Variants in PPFIA2 observed in about 807,000 individuals in gnomAD.
PPFIA2 encodes PPFI scaffold protein A2, also known as liprin-alpha-2.
PPFIA2 carries 46 observed loss-of-function variants against 175.5 expected under a neutral mutation model. The ratio of observed to expected loss-of-function variants is 0.26; its 90% confidence interval spans 0.21 to 0.34. The LOEUF (loss-of-function observed/expected upper bound fraction) is 0.34. Among genes scored for constraint, PPFIA2 ranks in the 10% least tolerant of loss-of-function variants. The probability of loss-of-function intolerance (pLI) is 1.00; values close to 1 mark genes in which losing one functional copy is unlikely to be tolerated. For synonymous variants in PPFIA2, 568 were observed against 511.4 expected, an observed-to-expected ratio of 1.11 and a Z score of -1.49; for missense variants, 1,179 against 1,506.1, an observed-to-expected ratio of 0.78 and a Z score of 3.60.
intron 4 of PPFIA2, among the ~76,000 whole-genome samples, chr12:81,561,606 C>G (rs2070100532): frequency 6.6e-6 from 1 of 152,144 alleles, no homozygotes; most frequent in African/African-American, 2.4e-5. Flanking sequence ...CTTCCCCTCT[C>G]TCTGATAAAT....
intron 4 of PPFIA2, among the ~76,000 whole-genome samples, chr12:81,565,344 C>T (rs562137660): frequency 1.3e-5 from 2 of 152,274 alleles, no homozygotes; most frequent in African/African-American, 2.4e-5. Flanking sequence ...ATCTTTCTCC[C>T]GTGCTGGATG....
chr12:81,561,848 G>A (rs1472026438), intron 4 of PPFIA2, among the ~76,000 whole-genome samples: 1 of 152,130 alleles, frequency 6.6e-6, no homozygotes. Context: ...AACTGCTTAA[G>A]AGTTGATTTA....
intron 4 of PPFIA2, among the ~76,000 whole-genome samples, chr12:81,627,177 C>A (rs1243021287): frequency 6.6e-6 from 1 of 151,900 alleles, no homozygotes; most frequent in Non-Finnish European, 1.5e-5. Context: ...TTAAAATGAG[C>A]ATCTATTTAT....
intron 4 of PPFIA2, among the ~76,000 whole-genome samples, chr12:81,638,748 C>T (rs1162660276): frequency 8.5e-6 from 1 of 117,418 alleles, no homozygotes; most frequent in Admixed American, 1.2e-4. Flanking sequence ...AGTGCAGTGG[C>T]GGGATCTCGG....
intron 10 of PPFIA2, among the ~76,000 whole-genome samples, chr12:81,375,522 G>A (rs2036160208): frequency 6.6e-6 from 1 of 152,026 alleles, no homozygotes; most frequent in African/African-American, 2.4e-5. Flanking sequence ...ATTAAGTGAG[G>A]TAATACATGA....
intron 23 of PPFIA2, among the ~76,000 whole-genome samples, chr12:81,298,590 T>C (rs757664000): frequency 6.6e-6 from 1 of 152,116 alleles, no homozygotes; most frequent in Non-Finnish European, 1.5e-5. Context: ...GAGAACTGAA[T>C]AGAAGGGGCA....
chr12:81,592,467 T>C (rs1595386277), intron 4 of PPFIA2, among the ~76,000 whole-genome samples: 1 of 152,172 alleles, frequency 6.6e-6, no homozygotes, highest in African/African-American at 2.4e-5. Context: ...TCATCTTTAA[T>C]TGTAACTCCC....
At chr12:81,501,922 T>C (rs1052020845) in intron 4 of PPFIA2, among the ~76,000 whole-genome samples, 3 of 152,128 alleles carry the variant, frequency 2.0e-5, no homozygotes, top group African/African-American at 7.2e-5. Flanking sequence ...GATATTAATG[T>C]GGCTTTGAAG....
At chr12:81,674,242 T>C (rs547509446) in intron 4 of PPFIA2, among the ~76,000 whole-genome samples, 1 of 152,180 alleles carries the variant, frequency 6.6e-6, no homozygotes, top group African/African-American at 2.4e-5. Flanking sequence ...TTATGAGAGA[T>C]CATTCACTCA....
At chr12:81,389,967 C>A (rs1049358169) in intron 8 of PPFIA2, among the ~76,000 whole-genome samples, 5 of 152,068 alleles carry the variant, frequency 3.3e-5, no homozygotes, top group African/African-American at 1.2e-4. Flanking sequence ...CAGCCCCAGA[C>A]AACCACTAAC....
chr12:81,531,079 A>G (rs962296366), intron 4 of PPFIA2, among the ~76,000 whole-genome samples: 3 of 151,932 alleles, frequency 2.0e-5, no homozygotes, highest in African/African-American at 7.2e-5. Flanking sequence ...AAGATGCAGG[A>G]AGTTTCAATT....
At chr12:81,265,129 C>G (rs548531263) in intron 30 of PPFIA2, among the ~76,000 whole-genome samples, 3 of 151,588 alleles carry the variant, frequency 2.0e-5, no homozygotes, top group Admixed American at 6.6e-5. Context: ...CCTGTCTCTA[C>G]TAAAAAATAC....
At chr12:81,653,686 C>T (rs962372004) in intron 4 of PPFIA2, among the ~76,000 whole-genome samples, 35 of 152,048 alleles carry the variant, frequency 2.3e-4, no homozygotes, top group African/African-American at 8.4e-4. Flanking sequence ...AGGTCACATT[C>T]TGAGGTTCTA....
chr12:81,295,409 G>A (rs1249280204), intron 23 of PPFIA2, among the ~76,000 whole-genome samples: 4 of 152,132 alleles, frequency 2.6e-5, no homozygotes, highest in Non-Finnish European at 5.9e-5. Flanking sequence ...TGCTTAATGA[G>A]TGGCTTCAAT....
At chr12:81,467,695 C>T (rs1266056095) in intron 4 of PPFIA2, among the ~76,000 whole-genome samples, 1 of 152,166 alleles carries the variant, frequency 6.6e-6, no homozygotes, top group Non-Finnish European at 1.5e-5. Context: ...GCTCACACAC[C>T]TCTCAAGATG....
Position 81,335,744 on chromosome 12 carries a change from AAACAACAACAACAAC to A in PPFIA2, c.2548+3421_2548+3435del, listed in dbSNP as rs142716386. ...GGTGACAGAGTGAAATTCTGTCTAA[AAACAACAACAACAAC>A]AACAACAACAACAACAACAAAAAGA... On this transcript the variant is annotated intron_variant, in intron 21 of 32. Transcript: ENST00000549396. 3.0e-3 allele frequency among the ~76,000 whole-genome samples: 454 copies of A among 149,504 alleles called. 3 individuals are homozygous for A. Among genetic ancestry groups the A allele is most frequent in the African/African-American group, 0.011 (439 of 40,824 alleles).
chr12:81,416,113 G>T (rs543800253), intron 7 of PPFIA2, among the ~76,000 whole-genome samples: 9 of 151,694 alleles, frequency 5.9e-5, no homozygotes, highest in Non-Finnish European at 1.2e-4. Context: ...ATTTTACTAG[G>T]TTAGCAACTA....
chr12:81,259,396 A>C lies in PPFIA2; in HGVS notation c.*298T>G. ...ATATTACAATAAAACATGAAAAACAACTGGCTTCATTTCATAAAAGCATCT... is the reference window on the plus strand; with the variant it reads ...ATATTACAATAAAACATGAAAAACACCTGGCTTCATTTCATAAAAGCATCT... On this transcript the variant is annotated 3_prime_UTR_variant, in exon 33 of 33. Coordinates refer to ENST00000549396, the MANE Select transcript of PPFIA2 (RefSeq NM_003625.5). 1.6e-6 allele frequency: 1 copy of C among 641,552 alleles called. No individual in the cohort carries two copies. The highest frequency in any genetic ancestry group is 2.8e-6 in the Non-Finnish European group (1 of 352,758). The allele number at this position is 641,552 out of a possible 1,614,324, so 39.7% of individuals were successfully genotyped here.
At chr12:81,660,648 C>T (rs1216702733) in intron 4 of PPFIA2, among the ~76,000 whole-genome samples, 3 of 152,094 alleles carry the variant, frequency 2.0e-5, no homozygotes, top group African/African-American at 7.2e-5. Context: ...GGAGAACTTC[C>T]CCAATCTAGC....
Sources: allele counts gnomAD v4.1 joint callset (sites outside exome capture counted in the v4.1 genomes callset), GRCh38; gene constraint gnomAD v4.1.1; transcripts MANE v1.5; gene names NCBI Gene and HGNC (gene_info 2026-07-23, HGNC 2026-07-21).